SNX25: variants seen among roughly 807,000 people sequenced by gnomAD.
SNX25 encodes sorting nexin-25.
SNX25 carries 62 observed loss-of-function variants against 113.7 expected under a neutral mutation model. The observed-to-expected ratio is 0.55, with a 90% confidence interval of 0.44 to 0.67. SNX25 has a LOEUF of 0.67. Ranked by LOEUF, SNX25 falls within the 30% of genes least tolerant of loss-of-function variation. The pLI is 0.00. For missense variants in SNX25, 1,014 were observed against 1,161.0 expected, an observed-to-expected ratio of 0.87 and a Z score of 1.84; for synonymous variants, 421 against 436.2, an observed-to-expected ratio of 0.97 and a Z score of 0.43.
At chr4:185,367,280 T>G, downstream of SNX25, 1 of 1,549,654 alleles carries the variant, frequency 6.5e-7, no homozygotes, top group Non-Finnish European at 8.8e-7. Flanking sequence ...TTTAGATACA[T>G]TCTAATTGTT....
At chr4:185,212,463 A>ATATG (rs143929504) in intron 1 of SNX25, among the ~76,000 whole-genome samples, 1 of 119,388 alleles carries the variant, frequency 8.4e-6, no homozygotes, top group East Asian at 2.3e-4. Flanking sequence ...AATTTGTGTG[A>ATATG]TGTGTGTGTG....
chr4:185,297,409 T>G (rs1463876294), intron 6 of SNX25, among the ~76,000 whole-genome samples: 3 of 152,232 alleles, frequency 2.0e-5, no homozygotes, highest in Non-Finnish European at 4.4e-5. Flanking sequence ...GCAGAGATCC[T>G]GTACCTTTCT....
chr4:185,281,383 T>C (rs1750537248), intron 5 of SNX25, among the ~76,000 whole-genome samples: 1 of 152,192 alleles, frequency 6.6e-6, no homozygotes, highest in Admixed American at 6.5e-5. Context: ...TAATTTAATG[T>C]GTATAACAAC....
At chr4:185,332,124 G>A (rs1454095747) in intron 9 of SNX25, among the ~76,000 whole-genome samples, 1 of 152,154 alleles carries the variant, frequency 6.6e-6, no homozygotes, top group Non-Finnish European at 1.5e-5. Context: ...ATCAGGAGAA[G>A]GACTGAACAA....
intron 5 of SNX25, among the ~76,000 whole-genome samples, chr4:185,270,171 G>A (rs1020627971): frequency 4.6e-5 from 7 of 151,748 alleles, no homozygotes; most frequent in Non-Finnish European, 1.5e-5. Context: ...GGGGAACATG[G>A]CGAAACCCCG....
rs1560985826 is a variant in SNX25 at position 185,300,839 on chromosome 4, T to TCACACACACACACACACACACA, written c.1163-9796_1163-9795insCACACACACACACACACACACA. Among the ~76,000 whole-genome samples the TCACACACACACACACACACACA allele has an allele frequency of 5.4e-3, 268 of 49,658 alleles. 3 individuals carry two copies. The highest frequency in any genetic ancestry group is 0.024 in the African/African-American group (251 of 10,430). 32.6% of individuals were successfully genotyped at this position (49,658 alleles called of 152,430 possible). On this transcript the variant is annotated intron_variant, in intron 6 of 18. Coordinates refer to ENST00000652585, the MANE Select transcript of SNX25 (RefSeq NM_001378034.2). ...AATGCCTGTGGTATTATGATTATTA[T>TCACACACACACACACACACACA]GACACACACACACACACACACACAC...
At chr4:185,326,060 A>G (rs534351254) in intron 9 of SNX25, among the ~76,000 whole-genome samples, 1 of 152,328 alleles carries the variant, frequency 6.6e-6, no homozygotes, top group South Asian at 2.1e-4. Flanking sequence ...ATACTCAGAG[A>G]TGGTTTCCAA....
chr4:185,238,535 G>C (rs1377006525), intron 1 of SNX25, among the ~76,000 whole-genome samples: 1 of 152,086 alleles, frequency 6.6e-6, no homozygotes, highest in Non-Finnish European at 1.5e-5. Context: ...AAGAGGTCCT[G>C]GTTTTGAGAC....
intron 1 of SNX25, among the ~76,000 whole-genome samples, chr4:185,217,315 G>C (rs141318081): frequency 1.0e-3 from 152 of 152,254 alleles, no homozygotes; most frequent in African/African-American, 3.5e-3. Context: ...TAATGAAGCT[G>C]TGTGAATGGA....
In SNX25 at chr4:185,352,461, A is replaced by G; in HGVS notation, c.2466+852A>G. Among the ~76,000 whole-genome samples, 2 of 152,102 alleles carry G rather than the reference A, an allele frequency of 1.3e-5. 1 individual carries two copies. The highest frequency in any genetic ancestry group is 2.9e-5 in the Non-Finnish European group (2 of 68,014). On this transcript the variant is annotated intron_variant, in intron 14 of 18. Coordinates refer to ENST00000652585, the MANE Select transcript of SNX25 (RefSeq NM_001378034.2). ...CACCCACACCTGCTCCAGTCCACAC[A>G]TCTACCCACGGCCCCCCAAGCATCT...
intron 1 of SNX25, among the ~76,000 whole-genome samples, chr4:185,213,867 T>C (rs574965306): frequency 2.0e-5 from 3 of 152,282 alleles, no homozygotes; most frequent in Admixed American, 6.5e-5. Context: ...AGAATAACTT[T>C]GTCAGTTTTT....
chr4:185,373,679 A>G (rs977743907), downstream of SNX25, among the ~76,000 whole-genome samples: 51 of 152,228 alleles, frequency 3.4e-4, no homozygotes, highest in African/African-American at 1.0e-3. Flanking sequence ...AGTAGGACTC[A>G]GCCCCCATTT....
intron 1 of SNX25, among the ~76,000 whole-genome samples, chr4:185,241,440 T>G (rs528126464): frequency 7.7e-6 from 1 of 130,168 alleles, no homozygotes; most frequent in East Asian, 2.6e-4. Flanking sequence ...ACAGTCCAGC[T>G]TTGGCTCGGC....
At chr4:185,322,964 T>A (rs1312198175) in intron 8 of SNX25, among the ~76,000 whole-genome samples, 1 of 152,242 alleles carries the variant, frequency 6.6e-6, no homozygotes, top group Non-Finnish European at 1.5e-5. Context: ...AAAGATTATG[T>A]TAATCCAAAG....
chr4:185,327,113 C>T (rs554421144), intron 9 of SNX25, among the ~76,000 whole-genome samples: 18 of 152,276 alleles, frequency 1.2e-4, no homozygotes, highest in Non-Finnish European at 1.9e-4. Flanking sequence ...CAAAAGTATA[C>T]GTAAAATGTT....
At chr4:185,314,716 G>C (rs539761364) in intron 7 of SNX25, among the ~76,000 whole-genome samples, 172 of 151,246 alleles carry the variant, frequency 1.1e-3, no homozygotes, top group African/African-American at 4.0e-3. Flanking sequence ...AAATTAGCTG[G>C]GAGTGGTGGT....
chr4:185,321,552 C>T (rs909007962), intron 8 of SNX25, among the ~76,000 whole-genome samples: 15 of 152,076 alleles, frequency 9.9e-5, no homozygotes, highest in East Asian at 3.9e-4. Flanking sequence ...CATGAGCCAC[C>T]GCAGCCAGCT....
rs1198542156 is a variant in SNX25, at chr4:185,288,062, C to T, written c.1142C>T (p.Pro381Leu). ...IIQATTISSF[P>L]QLKRHKGKET... ...CAGGCGACTACAATTAGCAGCTTTC[C>T]CCAACTGAAGAGGCACAAAGGTAAG... is the stretch of plus-strand genomic sequence containing the variant. The change falls in exon 6 of 19, where the codon CCC becomes CTC. Residue 381 changes from proline (P) to leucine (L), a missense_variant. Transcript: ENST00000652585. 1.2e-6 allele frequency: 2 copies of T among 1,613,300 alleles called. No individual in the cohort carries two copies.
intron 7 of SNX25, among the ~76,000 whole-genome samples, chr4:185,312,482 G>A (rs182480197): frequency 1.3e-5 from 2 of 151,830 alleles, no homozygotes; most frequent in Admixed American, 6.6e-5. Flanking sequence ...GTGTCTACTA[G>A]AAGTAGACTT....
Sources: gnomAD v4.1 joint callset for allele counts (sites outside exome capture counted in the v4.1 genomes callset) on GRCh38, gnomAD v4.1.1 for gene constraint, MANE v1.5 for transcripts, NCBI Gene and HGNC (gene_info 2026-07-23, HGNC 2026-07-21) for gene names.